Variants in TOX2 observed in about 807,000 individuals in gnomAD.
The protein encoded by TOX2 is TOX high mobility group box family member 2, also known as granulosa cell HMG box 1.
Under a neutral mutation model 47.4 loss-of-function variants are expected in TOX2, and 15 were observed. The ratio of observed to expected loss-of-function variants is 0.32; its 90% CI spans 0.21 to 0.49. The LOEUF (loss-of-function observed/expected upper bound fraction) is 0.49. Ranked by LOEUF, TOX2 falls within the 20% of genes least tolerant of loss-of-function variation. The probability of loss-of-function intolerance (pLI) is 0.99; values close to 1 mark genes in which losing one functional copy is unlikely to be tolerated. For missense variants in TOX2, 622 were observed against 673.1 expected, an observed-to-expected ratio of 0.92 and a Z score of 0.84; for synonymous variants, 290 against 296.6, an observed-to-expected ratio of 0.98 and a Z score of 0.23.
intron 1 of TOX2, among the ~76,000 whole-genome samples, chr20:43,920,944 G>T (rs1243883234): frequency 6.6e-6 from 1 of 152,190 alleles, no homozygotes; most frequent in Admixed American, 6.5e-5. Context: ...TATTCCCAGC[G>T]CTAGCCTGAC....
intron 2 of TOX2, among the ~76,000 whole-genome samples, chr20:43,999,043 C>T (rs572215430): frequency 3.3e-5 from 5 of 152,266 alleles, no homozygotes; most frequent in South Asian, 2.1e-4. Flanking sequence ...TACAGGCGTG[C>T]GCCACCATGC....
intron 3 of TOX2, among the ~76,000 whole-genome samples, chr20:44,034,239 G>GT (rs1274930357): frequency 0.027 from 4,055 of 148,024 alleles, 140 homozygotes; most frequent in African/African-American, 0.082. Flanking sequence ...AGTCAGTTCA[G>GT]TTTTTTTTTT....
chr20:43,927,641 TCC>T (rs1246102204), intron 1 of TOX2, among the ~76,000 whole-genome samples: 1 of 111,472 alleles, frequency 9.0e-6, no homozygotes, highest in Admixed American at 8.8e-5. Context: ...CCTTCCTTCC[TCC>T]CCTTCCCTTC....
intron 2 of TOX2, among the ~76,000 whole-genome samples, chr20:43,975,195 T>C (rs1275078696): frequency 2.0e-5 from 3 of 152,106 alleles, no homozygotes; most frequent in African/African-American, 7.2e-5. Context: ...GCATTGGCAA[T>C]GTCCTTCCAC....
At chr20:43,946,231 G>A (rs1045372134) in intron 1 of TOX2, among the ~76,000 whole-genome samples, 4 of 152,208 alleles carry the variant, frequency 2.6e-5, no homozygotes, top group Admixed American at 2.0e-4. Flanking sequence ...AATTCTGGAG[G>A]CGGTTTGGGC....
At chr20:43,927,673 CTTTCTT>C (rs2069193032) in intron 1 of TOX2, among the ~76,000 whole-genome samples, 4 of 116,442 alleles carry the variant, frequency 3.4e-5, no homozygotes, top group African/African-American at 4.3e-5. Context: ...TCCTTCCTTC[CTTTCTT>C]CCTTCCTTCC....
At chr20:43,972,685 CG>C (rs1429470157) in intron 1 of TOX2, among the ~76,000 whole-genome samples, 2 of 152,154 alleles carry the variant, frequency 1.3e-5, no homozygotes, top group African/African-American at 4.8e-5. Context: ...AAGAGGGAGG[CG>C]GGGGTCCCAG....
intron 3 of TOX2, among the ~76,000 whole-genome samples, chr20:44,047,224 C>T (rs1459618983): frequency 6.6e-6 from 1 of 152,182 alleles, no homozygotes; most frequent in Non-Finnish European, 1.5e-5. Flanking sequence ...GTGGGGACAT[C>T]CCTGGCCACT....
intron 2 of TOX2, among the ~76,000 whole-genome samples, chr20:43,993,052 C>T (rs759003089): frequency 4.6e-5 from 7 of 152,110 alleles, no homozygotes; most frequent in Non-Finnish European, 2.9e-5. Flanking sequence ...TTCGAGTCCC[C>T]GCTGAATGAG....
chr20:44,000,982 C>A (rs921178772), intron 2 of TOX2, among the ~76,000 whole-genome samples: 9 of 152,020 alleles, frequency 5.9e-5, no homozygotes, highest in African/African-American at 2.2e-4. Flanking sequence ...CCTTCCCAAG[C>A]AGTTTTGGTG....
chr20:44,019,964 G>A (rs74492324), intron 3 of TOX2, among the ~76,000 whole-genome samples: 5,341 of 152,266 alleles, frequency 0.035, 245 homozygotes, highest in African/African-American at 0.1. Context: ...TCTGGAGGGT[G>A]TGGATCACAG....
At chr20:43,949,709 GA>G (rs1283890704) in intron 1 of TOX2, among the ~76,000 whole-genome samples, 10 of 152,244 alleles carry the variant, frequency 6.6e-5, no homozygotes, top group Middle Eastern at 3.4e-3. Flanking sequence ...GTGTGGTCAC[GA>G]CATCCACGGC....
intron 1 of TOX2, among the ~76,000 whole-genome samples, chr20:43,961,321 G>A (rs1194471424): frequency 1.3e-5 from 2 of 152,230 alleles, no homozygotes; most frequent in East Asian, 1.9e-4. Flanking sequence ...TGGAAAGGCA[G>A]AAGAGGGGAT....
At chr20:43,942,219 C>A (rs948250268) in intron 1 of TOX2, among the ~76,000 whole-genome samples, 4 of 152,186 alleles carry the variant, frequency 2.6e-5, no homozygotes, top group Non-Finnish European at 5.9e-5. Flanking sequence ...TTGACAAAAA[C>A]CCCACCAGGA....
At chr20:43,924,483 C>T (rs542895912) in intron 1 of TOX2, among the ~76,000 whole-genome samples, 3 of 152,268 alleles carry the variant, frequency 2.0e-5, no homozygotes, top group South Asian at 2.1e-4. Flanking sequence ...AGCTTCTGGG[C>T]CATGCTTAAG....
At chr20:43,986,199 A>G (rs2070260336) in intron 2 of TOX2, among the ~76,000 whole-genome samples, 1 of 152,334 alleles carries the variant, frequency 6.6e-6, no homozygotes, top group East Asian at 1.9e-4. Flanking sequence ...TTCATAAACA[A>G]TGGTTGGCAA....
At chr20:43,925,035 T>C (rs2069149860) in intron 1 of TOX2, among the ~76,000 whole-genome samples, 1 of 152,242 alleles carries the variant, frequency 6.6e-6, no homozygotes, top group Admixed American at 6.5e-5. Context: ...TCTTGATTGA[T>C]CTCATATCAT....
intron 1 of TOX2, chr20:43,955,286 GA>G: frequency 1.0e-6 from 1 of 985,460 alleles, no homozygotes; most frequent in Non-Finnish European, 1.2e-6. Context: ...AGTAGCTGCT[GA>G]AAACCCTCCT....
In TOX2 at chr20:43,916,497, G is replaced by C. The variant is rs1266513331; in HGVS notation, c.99+1507G>C. ...CAAGTGAGGTCTCGCGAAGAGTGGC[G>C]GTGGTTCTCTTTTGTCCAGTGACCT... On this transcript the variant is annotated intron_variant, in intron 1 of 8. Coordinates refer to ENST00000341197, the MANE Select transcript of TOX2 (RefSeq NM_001098797.2). The surrounding 1 kb of genome is among the most constrained non-coding windows in gnomAD (Gnocchi z 5.0). Among the ~76,000 whole-genome samples the C allele has an allele frequency of 1.3e-5, 2 of 152,220 alleles. No individual in the cohort carries two copies. Among genetic ancestry groups the C allele is most frequent in the South Asian group, 2.1e-4 (1 of 4,834 alleles).
Sources: allele counts gnomAD v4.1 joint callset (sites outside exome capture counted in the v4.1 genomes callset), GRCh38; gene constraint gnomAD v4.1.1; non-coding constraint Gnocchi (gnomAD v3.1); transcripts MANE v1.5; gene names NCBI Gene and HGNC (gene_info 2026-07-23, HGNC 2026-07-21).